Variants in RNF170 observed in about 807,000 individuals in gnomAD.
The protein encoded by RNF170 is ring finger protein 170.
RNF170 carries 12 observed loss-of-function variants against 32.7 expected under a neutral mutation model. The ratio of observed to expected loss-of-function variants is 0.37; its 90% CI spans 0.24 to 0.60. The LOEUF is 0.60. Among genes scored for constraint, RNF170 ranks in the 20% least tolerant of loss-of-function variants. The pLI, the probability that RNF170 is intolerant of heterozygous loss-of-function variation, is 0.72. For synonymous variants in RNF170, 91 were observed against 103.6 expected, an observed-to-expected ratio of 0.88 and a Z score of 0.74; for missense variants, 212 against 311.2, an observed-to-expected ratio of 0.68 and a Z score of 2.40.
intron 1 of RNF170, among the ~76,000 whole-genome samples, chr8:42,891,831 T>C (rs1447491308): frequency 3.9e-5 from 6 of 152,216 alleles, no homozygotes; most frequent in Non-Finnish European, 5.9e-5. Flanking sequence ...AAAAGCCACA[T>C]CAAAGCTAAC....
In RNF170 at chr8:42,853,955, T is replaced by C. The variant is rs1408924829; in HGVS notation, c.*2204A>G. The stretch of plus-strand genomic sequence containing the variant: ...ATTGTGACACTTGGAGCAGAATGCA[T>C]GCACACAAAATAAAATCCTGTCAAA... On this transcript the variant is annotated 3_prime_UTR_variant, in exon 7 of 7. Transcript: ENST00000527424. 7.8e-7 allele frequency: 1 copy of C among 1,287,172 alleles called. No homozygotes were observed. Among genetic ancestry groups the C allele is most frequent in the Admixed American group, 2.3e-5 (1 of 43,556 alleles). The allele number at this position is 1,287,172 out of a possible 1,614,324, so 79.7% of individuals were successfully genotyped here. A position where few individuals can be genotyped will look rare whatever the true frequency, so the allele number is the denominator to read the frequency against.
At chr8:42,877,707 T>C (rs1805063855) in intron 2 of RNF170, among the ~76,000 whole-genome samples, 1 of 152,172 alleles carries the variant, frequency 6.6e-6, no homozygotes, top group Non-Finnish European at 1.5e-5. Context: ...ATTCATGCCA[T>C]TGGATTCTGG....
chr8:42,869,149 A>G (rs1804337150), intron 4 of RNF170, among the ~76,000 whole-genome samples: 1 of 152,072 alleles, frequency 6.6e-6, no homozygotes, highest in African/African-American at 2.4e-5. Flanking sequence ...GGCTCAAGCA[A>G]TCCTCCTGCC....
intron 1 of RNF170, chr8:42,896,179 T>TA (rs1239015155): frequency 3.7e-6 from 1 of 266,754 alleles, no homozygotes; most frequent in East Asian, 1.5e-4. Context: ...CCTCCTGCAT[T>TA]AAGGAGAGTT....
chr8:42,897,276 G>C, upstream of RNF170: 1 of 937,598 alleles, frequency 1.1e-6, no homozygotes, highest in Non-Finnish European at 1.4e-6. Context: ...GGCGAGCGCT[G>C]CGGGCGACGG....
In RNF170 at chr8:42,870,196, G is replaced by C; in HGVS notation, c.214-84C>G. The C allele has an allele frequency of 5.3e-6, 5 of 943,554 alleles. No individual in the cohort carries two copies. The South Asian group carries it at 6.9e-5, about 13-fold the overall frequency. 58.4% of individuals were successfully genotyped at this position (943,554 alleles called of 1,614,324 possible). A position where few individuals can be genotyped will look rare whatever the true frequency, so the allele number is the denominator to read the frequency against. On this transcript the variant is annotated intron_variant, in intron 3 of 6. Transcript: ENST00000527424. ...TCATGTTAAATTATATTTGAGAACA[G>C]AGTCAGCAGTGTGTAACCCTCATCA... is the stretch of plus-strand genomic sequence containing the variant.
intron 1 of RNF170, among the ~76,000 whole-genome samples, chr8:42,888,206 C>T (rs1338650231): frequency 6.6e-6 from 1 of 151,898 alleles, no homozygotes; most frequent in Non-Finnish European, 1.5e-5. Context: ...GCTGGGACTA[C>T]AGGCGCGCAC....
At chr8:42,893,161 G>A (rs555894517) in intron 1 of RNF170, among the ~76,000 whole-genome samples, 1 of 152,064 alleles carries the variant, frequency 6.6e-6, no homozygotes, top group Non-Finnish European at 1.5e-5. Flanking sequence ...AGTGCGCAGG[G>A]TCTTACATGT....
intron 5 of RNF170, among the ~76,000 whole-genome samples, chr8:42,862,853 C>T (rs1176526827): frequency 6.6e-6 from 1 of 152,178 alleles, no homozygotes; most frequent in Non-Finnish European, 1.5e-5. Context: ...AAGTCAAAAG[C>T]CTGCTCCAGG....
chr8:42,882,177 G>C (rs956730235), intron 2 of RNF170, among the ~76,000 whole-genome samples: 1 of 152,156 alleles, frequency 6.6e-6, no homozygotes, highest in Non-Finnish European at 1.5e-5. Context: ...GCTGCTGTGG[G>C]AAACAGTCTG....
Position 42,854,066 on chromosome 8 carries a change from C to A in RNF170, c.*2093G>T. On this transcript the variant is annotated 3_prime_UTR_variant, in exon 7 of 7. Coordinates refer to ENST00000527424, the MANE Select transcript of RNF170 (RefSeq NM_030954.4). ...TGGTACATGGCAGTGTGACAAACTC[C>A]TACTCACTCGCTTTTCAAGTTGGTG... is the stretch of plus-strand genomic sequence containing the variant. 1 of 1,287,204 alleles carries A rather than the reference C, an allele frequency of 7.8e-7. No individual in the cohort carries two copies. Among genetic ancestry groups the A allele is most frequent in the East Asian group, 5.5e-5 (1 of 18,030 alleles). 79.7% of individuals were successfully genotyped at this position (1,287,204 alleles called of 1,614,324 possible). A position where few individuals can be genotyped will look rare whatever the true frequency, so the allele number is the denominator to read the frequency against.
intron 2 of RNF170, among the ~76,000 whole-genome samples, chr8:42,879,575 C>T (rs990552506): frequency 3.3e-5 from 5 of 152,024 alleles, no homozygotes; most frequent in African/African-American, 9.7e-5. Flanking sequence ...AGCATGAACC[C>T]GGGGGGCGGT....
intron 2 of RNF170, among the ~76,000 whole-genome samples, chr8:42,879,129 C>G (rs984986337): frequency 6.6e-6 from 1 of 152,172 alleles, no homozygotes; most frequent in Non-Finnish European, 1.5e-5. Flanking sequence ...TACACCTAGT[C>G]ACCCACGAGC....
chr8:42,873,814 A>C, intron 3 of RNF170, 117 bp downstream of exon 3: 1 of 700,408 alleles, frequency 1.4e-6, no homozygotes, highest in Non-Finnish European at 2.6e-6. Context: ...ATATAAGGTA[A>C]TTTGAAGCTG....
chr8:42,875,895 G>A (rs1436023923), intron 2 of RNF170, among the ~76,000 whole-genome samples: 1 of 152,132 alleles, frequency 6.6e-6, no homozygotes, highest in Non-Finnish European at 1.5e-5. Context: ...AAAGCTTGAT[G>A]CATTCTTCAT....
At chr8:42,880,344 GA>G (rs1805293121) in intron 2 of RNF170, among the ~76,000 whole-genome samples, 1 of 152,216 alleles carries the variant, frequency 6.6e-6, no homozygotes, top group African/African-American at 2.4e-5. Flanking sequence ...CAGGGTTTGG[GA>G]GGACTGACTC....
chr8:42,854,640 A>G lies in RNF170; in HGVS notation c.*1519T>C. On this transcript the variant is annotated 3_prime_UTR_variant, in exon 7 of 7. Transcript: ENST00000527424. ...TGGTAGCTGATCTGATTAGCTAGAG[A>G]GAATGTGACAGATTTTCTCCTTATC... The G allele has an allele frequency of 7.8e-7, 1 of 1,287,208 alleles. No homozygotes were observed. The highest frequency in any genetic ancestry group is 1.0e-6 in the Non-Finnish European group (1 of 988,676). 79.7% of individuals were successfully genotyped at this position (1,287,208 alleles called of 1,614,324 possible).
At chr8:42,864,937 C>T (rs549515786) in intron 5 of RNF170, among the ~76,000 whole-genome samples, 140 of 150,340 alleles carry the variant, frequency 9.3e-4, no homozygotes, top group African/African-American at 3.2e-3. Context: ...AAAAAATAAT[C>T]GTGGGCCGGG....
chr8:42,873,463 C>A (rs1248919537), intron 3 of RNF170, among the ~76,000 whole-genome samples: 3 of 151,302 alleles, frequency 2.0e-5, no homozygotes, highest in Non-Finnish European at 2.9e-5. Context: ...TGGTAAAAAG[C>A]AAAGAACAAA....
Sources: gnomAD v4.1 joint callset for allele counts (sites outside exome capture counted in the v4.1 genomes callset) on GRCh38, gnomAD v4.1.1 for gene constraint, MANE v1.5 for transcripts, NCBI Gene and HGNC (gene_info 2026-07-23, HGNC 2026-07-21) for gene names.